Variants in CABCOCO1 observed in about 807,000 individuals in gnomAD.
The protein encoded by CABCOCO1 is ciliary associated calcium binding coiled-coil 1, also known as ciliary-associated calcium-binding coiled-coil protein 1.
A neutral mutation model predicts 35.7 loss-of-function variants in CABCOCO1; 28 were observed. The ratio of observed to expected loss-of-function variants is 0.78; its 90% CI spans 0.58 to 1.07. The LOEUF is 1.07. Ranked by LOEUF, CABCOCO1 falls within the 50% of genes least tolerant of loss-of-function variation. CABCOCO1 has a pLI of 0.00. For synonymous variants in CABCOCO1, 95 were observed against 100.1 expected, an observed-to-expected ratio of 0.95 and a Z score of 0.30; for missense variants, 326 against 309.2, an observed-to-expected ratio of 1.05 and a Z score of -0.41.
At position 61,730,574 on chromosome 10, in the gene CABCOCO1, C is replaced by T. The variant is rs567291215; in HGVS notation, c.553-29485C>T. 2.0e-5 allele frequency among the ~76,000 whole-genome samples: 3 copies of T among 152,108 alleles called. No individual in the cohort carries two copies. The South Asian group carries it at 6.2e-4, about 32-fold the overall frequency. ...GAATGAATGATCAAAGAGTGCTGAA[C>T]TTGGTAGGTGTAAGTTTGGTAAGGA... On this transcript the variant is annotated intron_variant, in intron 5 of 7. Transcript: ENST00000648843.
At chr10:61,667,436 A>C (rs1839223010) in intron 1 of CABCOCO1, among the ~76,000 whole-genome samples, 1 of 151,314 alleles carries the variant, frequency 6.6e-6, no homozygotes, top group African/African-American at 2.4e-5. Context: ...AGGAACTAAA[A>C]AGTTATTTTG....
At chr10:61,674,340 G>A (rs1839446428) in intron 2 of CABCOCO1, among the ~76,000 whole-genome samples, 1 of 152,152 alleles carries the variant, frequency 6.6e-6, no homozygotes. Flanking sequence ...AGGCTCAATA[G>A]CAGGTTGACC....
At chr10:61,746,189 T>C (rs1296994666) in intron 5 of CABCOCO1, among the ~76,000 whole-genome samples, 5 of 152,200 alleles carry the variant, frequency 3.3e-5, no homozygotes, top group Admixed American at 6.5e-5. Context: ...AATAAAATCA[T>C]GTTTATATAA....
chr10:61,746,629 G>A (rs535752381), intron 5 of CABCOCO1, among the ~76,000 whole-genome samples: 1 of 152,190 alleles, frequency 6.6e-6, no homozygotes, highest in African/African-American at 2.4e-5. Flanking sequence ...TCCATCTTGT[G>A]TTCTAAGCAT....
At chr10:61,666,214 C>A (rs1358958555) in intron 1 of CABCOCO1, among the ~76,000 whole-genome samples, 3 of 152,154 alleles carry the variant, frequency 2.0e-5, no homozygotes, top group Non-Finnish European at 4.4e-5. Flanking sequence ...AGAAAACAGA[C>A]CCCACTCCAT....
intron 5 of CABCOCO1, among the ~76,000 whole-genome samples, chr10:61,722,318 G>T (rs1380003487): frequency 6.6e-6 from 1 of 152,092 alleles, no homozygotes; most frequent in African/African-American, 2.4e-5. Flanking sequence ...TTAAAGTTAG[G>T]AATGCAAACC....
chr10:61,680,427 T>C (rs1839686055), intron 2 of CABCOCO1, among the ~76,000 whole-genome samples: 1 of 107,592 alleles, frequency 9.3e-6, no homozygotes, highest in African/African-American at 3.2e-5. Context: ...TATATATTTA[T>C]ATATTAACAT....
At chr10:61,690,748 C>A in intron 5 of CABCOCO1, 127 bp downstream of exon 5, 1 of 553,662 alleles carries the variant, frequency 1.8e-6, no homozygotes, top group Non-Finnish European at 3.2e-6. Context: ...ATAATCAACT[C>A]GTAGTTTGCA....
chr10:61,695,688 C>A (rs1449441114), intron 5 of CABCOCO1, among the ~76,000 whole-genome samples: 4 of 151,908 alleles, frequency 2.6e-5, no homozygotes, highest in African/African-American at 4.8e-5. Context: ...AACTTCTCAA[C>A]AGTAATAATG....
intron 5 of CABCOCO1, among the ~76,000 whole-genome samples, chr10:61,735,941 G>A (rs1841406792): frequency 6.6e-6 from 1 of 152,072 alleles, no homozygotes; most frequent in Non-Finnish European, 1.5e-5. Context: ...ATGCTTGTTG[G>A]CCGAAAGTAT....
At chr10:61,708,296 A>G (rs1840642526) in intron 5 of CABCOCO1, among the ~76,000 whole-genome samples, 1 of 151,010 alleles carries the variant, frequency 6.6e-6, no homozygotes, top group Non-Finnish European at 1.5e-5. Flanking sequence ...CCTTCCCTCT[A>G]TTGGTGTTTA....
At chr10:61,755,288 A>C (rs1841874553) in intron 5 of CABCOCO1, among the ~76,000 whole-genome samples, 1 of 152,108 alleles carries the variant, frequency 6.6e-6, no homozygotes, top group South Asian at 2.1e-4. Flanking sequence ...AATGGGTTGC[A>C]AGTTTTTGTT....
At chr10:61,671,642 CT>C (rs1208888494) in intron 1 of CABCOCO1, among the ~76,000 whole-genome samples, 1 of 152,192 alleles carries the variant, frequency 6.6e-6, no homozygotes, top group Non-Finnish European at 1.5e-5. Context: ...ACATTCACCA[CT>C]TTCTTTTCAT....
intron 5 of CABCOCO1, among the ~76,000 whole-genome samples, chr10:61,709,167 C>G (rs934323365): frequency 6.6e-6 from 1 of 152,110 alleles, no homozygotes; most frequent in Non-Finnish European, 1.5e-5. Context: ...AAGAGAGATA[C>G]GTAGTTGATT....
At chr10:61,710,227 ATGCTGAATTAATGTT>A (rs1220962479) in intron 5 of CABCOCO1, among the ~76,000 whole-genome samples, 1 of 150,618 alleles carries the variant, frequency 6.6e-6, no homozygotes, top group Non-Finnish European at 1.5e-5. Context: ...GAGACTTGAC[ATGCTGAATTAATGTT>A]TGTGTGTGTG....
At chr10:61,727,067 C>CA (rs145101295) in intron 5 of CABCOCO1, among the ~76,000 whole-genome samples, 9 of 151,354 alleles carry the variant, frequency 5.9e-5, no homozygotes, top group East Asian at 5.8e-4. Context: ...GCCACATACA[C>CA]AAAAAAAATG....
chr10:61,760,878 C>G lies in CABCOCO1; in HGVS notation c.691C>G (p.Gln231Glu), dbSNP rs376917011. The G allele has an allele frequency of 1.9e-6, 3 of 1,611,934 alleles. No individual in the cohort carries two copies. The African/African-American group carries it at 4.0e-5, about 22-fold the overall frequency. The part of the protein sequence containing the change: ...DTEMKRLDQE[Q>E]GPEESQPETD... ...AATATTCTAGAGGTTGGATCAAGAA[C>G]AAGGCCCTGAGGAGTCTCAGCCAGA... Residue 231 changes from glutamine to glutamate, a missense_variant, in exon 7 of 8, where the codon CAA becomes GAA. Physicochemically the swap from Gln to Glu is conservative, Grantham distance 29. Coordinates refer to ENST00000648843, the MANE Select transcript of CABCOCO1 (RefSeq NM_001366906.2).
intron 2 of CABCOCO1, among the ~76,000 whole-genome samples, chr10:61,674,316 A>G (rs1249789058): frequency 6.6e-6 from 1 of 152,192 alleles, no homozygotes; most frequent in East Asian, 1.9e-4. Flanking sequence ...GAAGTTAGCA[A>G]TATAAAAACA....
chr10:61,725,830 G>A (rs994448848), intron 5 of CABCOCO1, among the ~76,000 whole-genome samples: 1 of 151,916 alleles, frequency 6.6e-6, no homozygotes, highest in African/African-American at 2.4e-5. Context: ...CTACAATGTC[G>A]AGTGGATGAA....
Sources: gnomAD v4.1 joint callset for allele counts (sites outside exome capture counted in the v4.1 genomes callset) on GRCh38, gnomAD v4.1.1 for gene constraint, MANE v1.5 for transcripts, NCBI Gene and HGNC (gene_info 2026-07-23, HGNC 2026-07-21) for gene names.